The following SLC49A3 variants were observed in gnomAD, a reference collection of about 807,000 sequenced individuals.
The protein encoded by SLC49A3 is solute carrier family 49 member A3.
In SLC49A3, 50 loss-of-function variants were observed where a neutral mutation model predicts 43.8. The observed-to-expected ratio is 1.14, with a 90% confidence interval of 0.91 to 1.45. The LOEUF (loss-of-function observed/expected upper bound fraction) is 1.45. Among genes scored for constraint, SLC49A3 ranks in the 40% most tolerant of loss-of-function variants. The probability of loss-of-function intolerance (pLI) is 0.00; values close to 1 mark genes in which losing one functional copy is unlikely to be tolerated. For synonymous variants in SLC49A3, 413 were observed against 352.0 expected, an observed-to-expected ratio of 1.17 and a Z score of -1.94; for missense variants, 906 against 774.1, an observed-to-expected ratio of 1.17 and a Z score of -2.02.
downstream of SLC49A3, among the ~76,000 whole-genome samples, chr4:681,518 C>G (rs1233594692): frequency 6.6e-6 from 1 of 150,704 alleles, no homozygotes; most frequent in Non-Finnish European, 1.5e-5. Context: ...CGCACCTCCC[C>G]CAGACCCCAC....
rs1318038280 is a variant in SLC49A3 at position 685,449 on chromosome 4, T to C, written c.585+386A>G. Reference sequence around the variant, plus strand: ...GCGCGGTGGCTCACGCCTGTCATCCTAGCACTTTGGGAAGCCGAGGCAGAC... The same window carrying C: ...GCGCGGTGGCTCACGCCTGTCATCCCAGCACTTTGGGAAGCCGAGGCAGAC... On this transcript the variant is annotated intron_variant, in intron 4 of 9. Coordinates refer to ENST00000322224, the MANE Select transcript of SLC49A3 (RefSeq NM_032219.4). This position sits in a 1 kb window ranked among gnomAD's most constrained non-coding sequence, Gnocchi z 4.3. Among the ~76,000 whole-genome samples, 5 of 151,504 alleles carry C rather than the reference T, an allele frequency of 3.3e-5. No individual in the cohort carries two copies. Among genetic ancestry groups the C allele is most frequent in the Non-Finnish European group, 7.4e-5 (5 of 67,908 alleles).
chr4:688,250 G>C (rs1471381575), intron 1 of SLC49A3, among the ~76,000 whole-genome samples: 1 of 152,202 alleles, frequency 6.6e-6, no homozygotes, highest in Non-Finnish European at 1.5e-5. Flanking sequence ...TCCCGGGCCT[G>C]TCTCGGCCAG....
At chr4:689,418 G>C (rs1335819213), upstream of SLC49A3, 2 of 249,164 alleles carry the variant, frequency 8.0e-6, no homozygotes, top group Non-Finnish European at 1.5e-5. Context: ...GAAGGGCCCC[G>C]GTCACAGCCT....
chr4:684,464 G>A lies in SLC49A3; in HGVS notation c.840+19C>T, dbSNP rs1215326259. 1 of 1,611,900 alleles carries A rather than the reference G, an allele frequency of 6.2e-7. No individual in the cohort carries two copies. The highest frequency in any genetic ancestry group is 8.5e-7 in the Non-Finnish European group (1 of 1,179,418). On this transcript the variant is annotated intron_variant, in intron 6 of 9. Coordinates refer to ENST00000322224, the MANE Select transcript of SLC49A3 (RefSeq NM_032219.4). ...GCGGATGACAGAGGCAGGGTCCCCA[G>A]GGGTGGGGCCAGGCTCACACTGGAG... is the stretch of plus-strand genomic sequence containing the variant.
At chr4:682,610 G>C (rs1385393081) in intron 9 of SLC49A3, among the ~76,000 whole-genome samples, 171 bp downstream of exon 9, 1 of 152,142 alleles carries the variant, frequency 6.6e-6, no homozygotes, top group African/African-American at 2.4e-5. Context: ...TCTGATCTCG[G>C]CCACACCTGT....
At position 686,125 on chromosome 4, in the gene SLC49A3, G is replaced by A. The variant is rs758925047; in HGVS notation, c.472C>T (p.His158Tyr). 6.8e-6 allele frequency: 11 copies of A among 1,613,060 alleles called. No individual in the cohort carries two copies. In the African/African-American group the frequency reaches 1.5e-4, roughly 22 times the overall value. ...AGCATGTTGGCCGTGGCTCGCTGGT[G>A]CTCTGGGAACCACAAGGCAGCCAGC... ...AKLAALWFPE[H>Y]QRATANMLAT... The change falls in exon 3 of 10, where the codon CAC (histidine) becomes TAC (tyrosine). Residue 158 changes from histidine to tyrosine, a missense_variant. His to Tyr is a moderately conservative substitution (Grantham distance 83). Coordinates refer to ENST00000322224, the MANE Select transcript of SLC49A3 (RefSeq NM_032219.4).
chr4:679,103 G>A (rs530050078), downstream of SLC49A3: 25 of 1,442,098 alleles, frequency 1.7e-5, no homozygotes, highest in East Asian at 6.9e-5. Flanking sequence ...AGCTCCAGAC[G>A]CCGCGGCCCC....
chr4:678,011 G>A (rs1260982756), downstream of SLC49A3: 4 of 1,612,508 alleles, frequency 2.5e-6, no homozygotes, highest in Non-Finnish European at 3.4e-6. Flanking sequence ...ACGCATCAAA[G>A]CAGGCAGAAG....
At chr4:681,749 C>T (rs1013192335), downstream of SLC49A3, 2 of 1,031,530 alleles carry the variant, frequency 1.9e-6, no homozygotes, top group African/African-American at 3.7e-5. Context: ...CGCCCCGCCC[C>T]CTCCAGCGCC....
downstream of SLC49A3, chr4:681,143 C>T (rs1247755844): frequency 1.9e-6 from 3 of 1,603,928 alleles, no homozygotes; most frequent in Non-Finnish European, 1.7e-6. Flanking sequence ...CGGAAGAGGT[C>T]TGGCCCGCGG....
In SLC49A3 at chr4:689,105, TCG is replaced by T; in HGVS notation, c.21_22del (p.Glu8AspfsTer47). ...GGCCCGGGGCTCGGCCAACCCCGTCTCGGCCTCCGTCGGCCCCGCCATCGTCG... is the reference window on the plus strand; with the variant it reads ...GGCCCGGGGCTCGGCCAACCCCGTCTGCCTCCGTCGGCCCCGCCATCGTCG... On this transcript the variant is annotated frameshift_variant, in exon 1 of 10. Transcript: ENST00000322224. LOFTEE classifies it high-confidence loss of function. The T allele has an allele frequency of 7.0e-7, 1 of 1,427,014 alleles. No homozygotes were observed. Among genetic ancestry groups the T allele is most frequent in the Non-Finnish European group, 9.1e-7 (1 of 1,098,060 alleles). 88.4% of individuals were successfully genotyped at this position (1,427,014 alleles called of 1,614,324 possible). A position where few individuals can be genotyped will look rare whatever the true frequency, so the allele number is the denominator to read the frequency against.
downstream of SLC49A3, chr4:680,580 AAGG>A (rs746552736): frequency 2.5e-6 from 4 of 1,612,812 alleles, no homozygotes; most frequent in Admixed American, 1.7e-5. Flanking sequence ...GAAAATCAAC[AAGG>A]AGTAGTGAGT....
At chr4:677,282 G>A (rs573581464), downstream of SLC49A3, among the ~76,000 whole-genome samples, 44 of 152,268 alleles carry the variant, frequency 2.9e-4, no homozygotes, top group Non-Finnish European at 5.3e-4. Flanking sequence ...CTCTGTGGTG[G>A]CCTCTGATGT....
intron 8 of SLC49A3, 46 bp from the exon 9 acceptor site, chr4:682,936 C>G (rs776639326): frequency 1.4e-6 from 2 of 1,465,710 alleles, no homozygotes; most frequent in East Asian, 4.8e-5. Flanking sequence ...CCCACCCCCT[C>G]GGAGCCAGGT....
At chr4:682,685 G>T in intron 9 of SLC49A3, 96 bp downstream of exon 9, 1 of 1,008,122 alleles carries the variant, frequency 9.9e-7, no homozygotes. Context: ...TGCTGTTTAG[G>T]GCTCCCCACG....
chr4:688,061 G>C (rs113302235), intron 1 of SLC49A3: 2 of 152,422 alleles, frequency 1.3e-5, no homozygotes, highest in African/African-American at 2.4e-5. Flanking sequence ...CCACACCTAC[G>C]ACACCCACTG....
intron 9 of SLC49A3, 148 bp from the exon 10 acceptor site, chr4:682,524 A>T: frequency 1.1e-6 from 1 of 926,424 alleles, no homozygotes; most frequent in Non-Finnish European, 1.5e-6. Context: ...GACAGCCCTG[A>T]GGGGGTGTTT....
chr4:691,397 CA>C (rs1209057122), upstream of SLC49A3, among the ~76,000 whole-genome samples: 3 of 151,800 alleles, frequency 2.0e-5, no homozygotes, highest in African/African-American at 7.3e-5. Context: ...AGTTCAAGAC[CA>C]GCCTGGCCAA....
rs115060456 is a variant in SLC49A3, at chr4:682,356, C to G, written c.1282G>C (p.Gly428Arg). The change falls in exon 10 of 10, where the codon GGC becomes CGC. Residue 428 changes from glycine (G) to arginine (R), a missense_variant. Physicochemically the swap from Gly to Arg is moderately radical, Grantham distance 125. Coordinates refer to ENST00000322224, the MANE Select transcript of SLC49A3 (RefSeq NM_032219.4). ...ATGCAGCTGAAGAAGGTGCACAGGC[C>G]GGCCATCAGCAGCAGAGACACTGGG... ...DWTVSLLLMA[G>R]LCTFFSCILA... The G allele has an allele frequency of 7.5e-7, 1 of 1,339,508 alleles. No individual in the cohort carries two copies. The highest frequency in any genetic ancestry group is 9.7e-7 in the Non-Finnish European group (1 of 1,035,618). 83.0% of individuals were successfully genotyped at this position (1,339,508 alleles called of 1,614,324 possible).
Sources: allele counts gnomAD v4.1 joint callset (sites outside exome capture counted in the v4.1 genomes callset), GRCh38; gene constraint gnomAD v4.1.1; non-coding constraint Gnocchi (gnomAD v3.1); transcripts MANE v1.5; gene names NCBI Gene and HGNC (gene_info 2026-07-23, HGNC 2026-07-21).